FBXO34: variants seen among roughly 807,000 people sequenced by gnomAD.
The protein encoded by FBXO34 is F-box only protein 34.
In FBXO34, 12 loss-of-function variants were observed where a neutral mutation model predicts 24.5. The ratio of observed to expected loss-of-function variants is 0.49; its 90% CI spans 0.31 to 0.79. The LOEUF (loss-of-function observed/expected upper bound fraction) is 0.79, where lower values mean the gene tolerates loss of function less well. FBXO34 is among the 30% of genes least tolerant of loss of function. The pLI is 0.04. For missense variants in FBXO34, 823 were observed against 857.7 expected (o/e 0.96, Z 0.51); for synonymous variants, 320 against 311.9 (o/e 1.03, Z -0.27).
chr14:55,350,947 A>G lies in FBXO34; in HGVS notation c.557A>G (p.His186Arg). 2 of 1,614,176 alleles carry G rather than the reference A, an allele frequency of 1.2e-6. No individual in the cohort carries two copies. Among genetic ancestry groups the G allele is most frequent in the Non-Finnish European group, 1.7e-6 (2 of 1,180,000 alleles). The change falls in exon 2 of 2, where the codon CAC becomes CGC. Residue 186 changes from histidine (H) to arginine (R), a missense_variant. Around this residue, in one of 2 missense-constraint regions of FBXO34, gnomAD observed 693 missense variants for 659.1 expected, o/e 1.05. Coordinates refer to ENST00000313833, the MANE Select transcript of FBXO34 (RefSeq NM_017943.4). Reference sequence around the variant, plus strand: ...GAGCCTTTTGCATGTGGCATTGAGCACTGTTCTGTGCACTATGTGAGTGAC... The same window carrying G: ...GAGCCTTTTGCATGTGGCATTGAGCGCTGTTCTGTGCACTATGTGAGTGAC... ...QPEPFACGIE[H>R]CSVHYVSDSG... is the part of the protein sequence containing the mutation.
chr14:55,318,071 G>A (rs895448561), intron 1 of FBXO34: 4 of 151,704 alleles, frequency 2.6e-5, no homozygotes, highest in Non-Finnish European at 5.9e-5. Context: ...GCTTTATTGG[G>A]GGTTATCTGA....
the FBXO34 span, among the ~76,000 whole-genome samples, chr14:55,375,525 G>A: frequency 1.6e-4 from 8 of 49,136 alleles, no homozygotes; most frequent in Admixed American, 1.1e-3. Context: ...TTTACTTTTT[G>A]TAGACATGGA....
intron 1 of FBXO34, among the ~76,000 whole-genome samples, chr14:55,330,916 A>AT (rs1883512103): frequency 6.6e-6 from 1 of 152,030 alleles, no homozygotes; most frequent in Non-Finnish European, 1.5e-5. Context: ...ATGGATGGAG[A>AT]TTTTGTGCTT....
At chr14:55,308,978 A>C (rs1179417413) in intron 1 of FBXO34, among the ~76,000 whole-genome samples, 1 of 152,200 alleles carries the variant, frequency 6.6e-6, no homozygotes, top group Non-Finnish European at 1.5e-5. Context: ...TGCAGACATC[A>C]TGAAAATATC....
Position 55,351,873 on chromosome 14 carries a change from T to A in FBXO34, c.1483T>A (p.Ser495Thr), listed in dbSNP as rs1884397629. 6.2e-7 allele frequency: 1 copy of A among 1,614,166 alleles called. No individual in the cohort carries two copies. Among genetic ancestry groups the A allele is most frequent in the South Asian group, 1.1e-5 (1 of 91,084 alleles). Reference sequence around the variant, plus strand: ...ACCTGGTCAGCACTTGTCAGACTATTCCCAGTTGAATGAAAGCACAACAAA... The same window carrying A: ...ACCTGGTCAGCACTTGTCAGACTATACCCAGTTGAATGAAAGCACAACAAA... Reference protein sequence around the residue: ...LPPGQHLSDYSQLNESTTKES... With the variant: ...LPPGQHLSDYTQLNESTTKES... The change falls in exon 2 of 2, where the codon TCC (serine) becomes ACC (threonine). Residue 495 changes from serine to threonine, a missense_variant. Transcript: ENST00000313833.
At chr14:55,278,309 A>C (rs1220332134) in intron 1 of FBXO34, among the ~76,000 whole-genome samples, 1 of 152,168 alleles carries the variant, frequency 6.6e-6, no homozygotes, top group East Asian at 1.9e-4. Context: ...GCTTTTTCTA[A>C]GTTTCCTTTT....
At chr14:55,429,105 G>A in the FBXO34 span, 2 of 1,125,356 alleles carry the variant, frequency 1.8e-6, no homozygotes, top group Non-Finnish European at 2.5e-6. Flanking sequence ...TAGGCTTTGT[G>A]AGGAGGACTT....
At chr14:55,402,943 ATATATATATATATATATATATATAT>A in the FBXO34 span, among the ~76,000 whole-genome samples, 1 of 61,016 alleles carries the variant, frequency 1.6e-5, no homozygotes, top group East Asian at 4.2e-4. Context: ...ATATATATAT[ATATATATATATATATATATATATAT>A]AAATAGCTGG....
intron 1 of FBXO34, among the ~76,000 whole-genome samples, chr14:55,309,543 A>T (rs142195440): frequency 1.1e-3 from 163 of 152,356 alleles, no homozygotes; most frequent in African/African-American, 3.5e-3. Context: ...TTTTTCAAGC[A>T]GGAGGACTAG....
intron 1 of FBXO34, among the ~76,000 whole-genome samples, chr14:55,318,630 T>G (rs1206770607): frequency 6.6e-6 from 1 of 151,192 alleles, no homozygotes; most frequent in Non-Finnish European, 1.5e-5. Context: ...CTCACAAAGT[T>G]TTGGGATTAT....
At chr14:55,437,125 G>C in the FBXO34 span, 1 of 987,052 alleles carries the variant, frequency 1.0e-6, no homozygotes, top group Non-Finnish European at 1.6e-6. Context: ...TTCAGTGTAA[G>C]AGGCAGTTCA....
chr14:55,368,152 GT>G (rs1884725661), downstream of FBXO34: 1 of 152,510 alleles, frequency 6.6e-6, no homozygotes, highest in African/African-American at 2.4e-5. Context: ...TCTCATTATA[GT>G]TTTCTTGTAA....
chr14:55,399,884 G>A, the FBXO34 span, among the ~76,000 whole-genome samples: 1 of 152,158 alleles, frequency 6.6e-6, no homozygotes, highest in South Asian at 2.1e-4. Context: ...GCTTAATAGT[G>A]AGCTGGTTGA....
At chr14:55,388,451 G>A in the FBXO34 span, among the ~76,000 whole-genome samples, 2 of 152,142 alleles carry the variant, frequency 1.3e-5, no homozygotes, top group African/African-American at 2.4e-5. Flanking sequence ...ACATCAAAAT[G>A]TTTGGTGCTG....
the FBXO34 span, among the ~76,000 whole-genome samples, chr14:55,419,508 C>T: frequency 0.012 from 1,859 of 152,282 alleles, 15 homozygotes; most frequent in Non-Finnish European, 0.02. Context: ...AAATGTCACA[C>T]CAGCCACAGA....
At chr14:55,370,328 A>G (rs540814814), downstream of FBXO34, among the ~76,000 whole-genome samples, 6 of 152,352 alleles carry the variant, frequency 3.9e-5, no homozygotes, top group African/African-American at 1.2e-4. Flanking sequence ...TATACTCTGG[A>G]TATTATTTAG....
downstream of FBXO34, chr14:55,369,658 C>A (rs377499505): frequency 6.4e-6 from 10 of 1,550,822 alleles, no homozygotes; most frequent in South Asian, 1.2e-4. Flanking sequence ...AGGAGGTCAC[C>A]GAGGCTGCTG....
intron 1 of FBXO34, among the ~76,000 whole-genome samples, chr14:55,332,925 C>T (rs1040848589): frequency 2.0e-5 from 3 of 152,138 alleles, no homozygotes; most frequent in Non-Finnish European, 2.9e-5. Flanking sequence ...GATCAGCTGG[C>T]GCATTAGCCC....
the FBXO34 span, among the ~76,000 whole-genome samples, chr14:55,414,965 T>G: frequency 2.0e-5 from 3 of 152,224 alleles, no homozygotes; most frequent in Non-Finnish European, 4.4e-5. Context: ...AGGGGAAAAC[T>G]GTACTACTGT....
Sources: allele counts gnomAD v4.1 joint callset (sites outside exome capture counted in the v4.1 genomes callset), GRCh38; gene constraint gnomAD v4.1.1; regional missense constraint gnomAD v4.1.1; transcripts MANE v1.5; gene names NCBI Gene and HGNC (gene_info 2026-07-23, HGNC 2026-07-21).